The following AUH variants were observed in gnomAD, a reference collection of about 807,000 sequenced individuals.
AUH encodes methylglutaconyl-CoA hydratase, mitochondrial.
In AUH, 29 loss-of-function variants were observed where a neutral mutation model predicts 42.3. The ratio of observed to expected loss-of-function variants is 0.69; its 90% CI spans 0.51 to 0.93. The LOEUF is 0.93. Ranked by LOEUF, AUH falls within the 40% of genes least tolerant of loss-of-function variation. AUH has a pLI of 0.00. For missense variants in AUH, 452 were observed against 438.1 expected, an observed-to-expected ratio of 1.03 and a Z score of -0.28; for synonymous variants, 174 against 166.4, an observed-to-expected ratio of 1.05 and a Z score of -0.35.
intron 7 of AUH, among the ~76,000 whole-genome samples, chr9:91,220,125 T>C (rs192437459): frequency 6.6e-6 from 1 of 152,160 alleles, no homozygotes; most frequent in Non-Finnish European, 1.5e-5. Context: ...ATTTGAAAAA[T>C]ATATCTGAAC....
chr9:91,251,690 A>G (rs1395841699), intron 6 of AUH, among the ~76,000 whole-genome samples: 1 of 152,212 alleles, frequency 6.6e-6, no homozygotes, highest in African/African-American at 2.4e-5. Flanking sequence ...ATTCTCTTTC[A>G]TTCCCTCATA....
At chr9:91,356,488 C>T (rs1385148891) in intron 1 of AUH, among the ~76,000 whole-genome samples, 1 of 152,156 alleles carries the variant, frequency 6.6e-6, no homozygotes, top group African/African-American at 2.4e-5. Context: ...ATAGCATCTG[C>T]TTTTTCTAGG....
chr9:91,328,262 A>G (rs1263405604), intron 3 of AUH, among the ~76,000 whole-genome samples: 4 of 152,178 alleles, frequency 2.6e-5, no homozygotes, highest in Non-Finnish European at 5.9e-5. Context: ...TCCCATCAGC[A>G]TATAGCAATG....
chr9:91,301,026 T>C (rs1827744801), intron 4 of AUH, among the ~76,000 whole-genome samples: 1 of 152,266 alleles, frequency 6.6e-6, no homozygotes, highest in African/African-American at 2.4e-5. Context: ...CTCACGGTTT[T>C]TCACTGCCTC....
At chr9:91,288,511 C>A (rs1826599541) in intron 6 of AUH, among the ~76,000 whole-genome samples, 1 of 152,002 alleles carries the variant, frequency 6.6e-6, no homozygotes, top group Admixed American at 6.6e-5. Context: ...TCTGGGGTAA[C>A]CATTTAAATT....
chr9:91,320,675 G>C (rs982500260), intron 4 of AUH, among the ~76,000 whole-genome samples: 26 of 152,172 alleles, frequency 1.7e-4, no homozygotes, highest in Admixed American at 9.8e-4. Context: ...TTTGGCTGAA[G>C]TTTTTCTTTT....
At position 91,214,258 on chromosome 9, in the gene AUH, G is replaced by A; in HGVS notation, c.*90C>T. On this transcript the variant is annotated 3_prime_UTR_variant, in exon 10 of 10. Coordinates refer to ENST00000375731, the MANE Select transcript of AUH (RefSeq NM_001698.3). Reference sequence around the variant, plus strand: ...ATCTGCTCTTCACTTTGGTCATTAAGGTTCCATGTGCTGAGGCATATAGTG... The same window carrying A: ...ATCTGCTCTTCACTTTGGTCATTAAAGTTCCATGTGCTGAGGCATATAGTG... The A allele has an allele frequency of 9.0e-7, 1 of 1,109,308 alleles. No individual in the cohort carries two copies. Among genetic ancestry groups the A allele is most frequent in the South Asian group, 1.3e-5 (1 of 75,626 alleles). The allele number at this position is 1,109,308 out of a possible 1,614,324, so 68.7% of individuals were successfully genotyped here. A position where few individuals can be genotyped will look rare whatever the true frequency, so the allele number is the denominator to read the frequency against.
chr9:91,299,174 G>A (rs1201283143), intron 4 of AUH, among the ~76,000 whole-genome samples: 2 of 152,126 alleles, frequency 1.3e-5, no homozygotes, highest in Admixed American at 6.5e-5. Context: ...AGCCAAGATC[G>A]TGCCATTGCA....
rs563894630 is a variant in AUH, at chr9:91,350,651, C to T, written c.418+5232G>A. Among the ~76,000 whole-genome samples, 14 of 151,748 alleles carry T rather than the reference C, an allele frequency of 9.2e-5. 1 individual carries two copies. The South Asian group carries it at 2.5e-3, about 27-fold the overall frequency. ...GCAGGTGCCTGTAATCCCAGCTACT[C>T]GGGAGGCTGAGGCAGGAGAATCACC... is the stretch of plus-strand genomic sequence containing the variant. On this transcript the variant is annotated intron_variant, in intron 3 of 9. Transcript: ENST00000375731.
intron 3 of AUH, among the ~76,000 whole-genome samples, chr9:91,331,697 G>A (rs977502253): frequency 7.2e-5 from 11 of 152,146 alleles, no homozygotes; most frequent in Non-Finnish European, 1.6e-4. Context: ...TAAAATTTCA[G>A]TGTTTTAATA....
chr9:91,306,763 T>A (rs1828256088), intron 4 of AUH, among the ~76,000 whole-genome samples: 1 of 152,194 alleles, frequency 6.6e-6, no homozygotes, highest in African/African-American at 2.4e-5. Context: ...TAGGATAATA[T>A]GCTGATCCAC....
chr9:91,236,741 T>G (rs1828208502), intron 6 of AUH, among the ~76,000 whole-genome samples: 1 of 152,208 alleles, frequency 6.6e-6, no homozygotes, highest in South Asian at 2.1e-4. Flanking sequence ...ATTCAGCTCA[T>G]GGACAGTATG....
intron 4 of AUH, among the ~76,000 whole-genome samples, chr9:91,313,661 C>T (rs576951164): frequency 2.1e-4 from 31 of 145,206 alleles, no homozygotes; most frequent in East Asian, 1.3e-3. Flanking sequence ...GCCGAGATTG[C>T]GCCACTGCAG....
intron 6 of AUH, among the ~76,000 whole-genome samples, chr9:91,290,087 A>G (rs1424482188): frequency 6.6e-6 from 1 of 152,218 alleles, no homozygotes; most frequent in Non-Finnish European, 1.5e-5. Flanking sequence ...TCATGGTATT[A>G]AAAGAGGAAC....
At chr9:91,283,278 C>T (rs1180016171) in intron 6 of AUH, among the ~76,000 whole-genome samples, 6 of 152,230 alleles carry the variant, frequency 3.9e-5, no homozygotes, top group Non-Finnish European at 8.8e-5. Context: ...ATGCTAAAAA[C>T]TCTCAATAAA....
At chr9:91,275,545 G>A (rs1825473429) in intron 6 of AUH, among the ~76,000 whole-genome samples, 1 of 152,202 alleles carries the variant, frequency 6.6e-6, no homozygotes, top group Non-Finnish European at 1.5e-5. Flanking sequence ...CAAAAGTACA[G>A]TTAGATAATT....
intron 3 of AUH, among the ~76,000 whole-genome samples, chr9:91,350,431 T>C (rs906606621): frequency 2.6e-5 from 4 of 152,208 alleles, no homozygotes; most frequent in South Asian, 2.1e-4. Context: ...AATTATTCTA[T>C]AGGAACTCTT....
At chr9:91,306,411 G>T (rs1418199101) in intron 4 of AUH, 1 of 981,546 alleles carries the variant, frequency 1.0e-6, no homozygotes, top group Non-Finnish European at 1.2e-6. Context: ...GCTTAACATG[G>T]TAAATGCAGT....
intron 4 of AUH, among the ~76,000 whole-genome samples, chr9:91,317,360 T>C (rs568598022): frequency 6.6e-6 from 1 of 152,300 alleles, no homozygotes; most frequent in Admixed American, 6.5e-5. Flanking sequence ...TTTATTTTTT[T>C]AAACATGTTA....
Sources: gnomAD v4.1 joint callset for allele counts (sites outside exome capture counted in the v4.1 genomes callset) on GRCh38, gnomAD v4.1.1 for gene constraint, MANE v1.5 for transcripts, NCBI Gene and HGNC (gene_info 2026-07-23, HGNC 2026-07-21) for gene names.